The following PALM2AKAP2 variants were observed in gnomAD, a reference collection of about 807,000 sequenced individuals.
The protein encoded by PALM2AKAP2 is PALM2-AKAP2 fusion protein.
A neutral mutation model predicts 71.5 loss-of-function variants in PALM2AKAP2; 37 were observed. The ratio of observed to expected loss-of-function variants is 0.52; its 90% CI spans 0.40 to 0.68. The LOEUF (loss-of-function observed/expected upper bound fraction) is 0.68. PALM2AKAP2 is among the 30% of genes least tolerant of loss of function. PALM2AKAP2 has a pLI of 0.00. For missense variants in PALM2AKAP2, 1,224 were observed against 1,191.8 expected (o/e 1.03, Z -0.40); for synonymous variants, 468 against 478.8 (o/e 0.98, Z 0.29).
chr9:110,022,018 C>A (rs565102768), intron 7 of PALM2AKAP2, among the ~76,000 whole-genome samples: 9 of 152,316 alleles, frequency 5.9e-5, no homozygotes, highest in African/African-American at 2.2e-4. Flanking sequence ...AGTTGTCCAA[C>A]CAATCTGAGG....
intron 1 of PALM2AKAP2, among the ~76,000 whole-genome samples, chr9:109,767,992 G>C (rs1829184836): frequency 6.6e-6 from 1 of 151,600 alleles, no homozygotes; most frequent in South Asian, 2.1e-4. Flanking sequence ...AAGGAAGGAG[G>C]GAGCAAAGGC....
intron 3 of PALM2AKAP2, among the ~76,000 whole-genome samples, chr9:109,919,721 ATG>A (rs145136744): frequency 6.7e-6 from 1 of 148,808 alleles, no homozygotes; most frequent in Non-Finnish European, 1.5e-5. Flanking sequence ...ATATATATAT[ATG>A]TGTGTATACA....
At chr9:110,023,434 C>G (rs1833112549) in intron 7 of PALM2AKAP2, among the ~76,000 whole-genome samples, 1 of 150,902 alleles carries the variant, frequency 6.6e-6, no homozygotes, top group Non-Finnish European at 1.5e-5. Context: ...CCTGCTAAGC[C>G]TCCTGAGTAG....
At chr9:109,736,440 C>T (rs900145611) in intron 1 of PALM2AKAP2, among the ~76,000 whole-genome samples, 5 of 152,168 alleles carry the variant, frequency 3.3e-5, no homozygotes, top group Non-Finnish European at 7.3e-5. Flanking sequence ...GACCACCACT[C>T]AGTCACTATT....
exon 2 of PALM2AKAP2, chr9:110,137,998 T>G (rs1179325128): frequency 1.2e-6 from 2 of 1,613,788 alleles, no homozygotes; most frequent in African/African-American, 2.7e-5. Flanking sequence ...AGCAGGTGGA[T>G]AAAGCTGTGT....
At chr9:109,731,649 A>T (rs1390729107) in intron 1 of PALM2AKAP2, among the ~76,000 whole-genome samples, 1 of 152,172 alleles carries the variant, frequency 6.6e-6, no homozygotes, top group African/African-American at 2.4e-5. Flanking sequence ...TAATAGTAGT[A>T]TTTCTTGACT....
rs1165113633 is a variant in PALM2AKAP2, at chr9:109,696,336, A to G, written c.5+55470A>G. On this transcript the variant is annotated intron_variant, in intron 1 of 6. Coordinates refer to the PALM2AKAP2 transcript ENST00000374531. ...GGAAATAAAAATAGCTTTAAAACAT[A>G]TTGAAAAATATTCAGAACTTCTCAT... Among the ~76,000 whole-genome samples the G allele has an allele frequency of 3.9e-5, 6 of 152,348 alleles. No individual in the cohort carries two copies. In the Middle Eastern group the frequency reaches 0.01, roughly 259 times the overall value.
intron 2 of PALM2AKAP2, among the ~76,000 whole-genome samples, chr9:110,143,783 G>C (rs1836094291): frequency 6.6e-6 from 1 of 152,202 alleles, no homozygotes; most frequent in African/African-American, 2.4e-5. Context: ...CACCCCGTGA[G>C]ACCTACATTA....
rs1306741218 is a variant in PALM2AKAP2, at chr9:109,657,928, T to TTGTG, written c.5+17068_5+17071dup. The stretch of plus-strand genomic sequence containing the variant: ...AGTTTTGGAGATTGAGCTCACAGAT[T>TTGTG]TGTGTGTGTTTGTGTGTGTGTGTGT... On this transcript the variant is annotated intron_variant, in intron 1 of 6. Transcript: ENST00000374531. 3.8e-3 allele frequency among the ~76,000 whole-genome samples: 395 copies of TTGTG among 103,436 alleles called. 1 individual carries two copies. Among genetic ancestry groups the TTGTG allele is most frequent in the African/African-American group, 0.014 (378 of 26,156 alleles). 67.9% of individuals were successfully genotyped at this position (103,436 alleles called of 152,430 possible). A position where few individuals can be genotyped will look rare whatever the true frequency, so the allele number is the denominator to read the frequency against.
At chr9:110,026,957 C>T (rs183179000) in intron 7 of PALM2AKAP2, among the ~76,000 whole-genome samples, 5 of 152,078 alleles carry the variant, frequency 3.3e-5, no homozygotes, top group South Asian at 2.1e-4. Context: ...GCACGAGAAT[C>T]GCTTGAACCC....
chr9:109,826,894 T>C (rs185106265), intron 1 of PALM2AKAP2, among the ~76,000 whole-genome samples: 1 of 152,316 alleles, frequency 6.6e-6, no homozygotes, highest in Admixed American at 6.5e-5. Context: ...AGTGCAGCAA[T>C]TTTCAGAATA....
intron 1 of PALM2AKAP2, among the ~76,000 whole-genome samples, chr9:109,753,199 C>G (rs1028171257): frequency 3.3e-5 from 5 of 152,052 alleles, no homozygotes; most frequent in African/African-American, 1.2e-4. Flanking sequence ...TTTCTTAAAG[C>G]CAGAGAGGAG....
chr9:109,684,051 C>T (rs1185947335), intron 1 of PALM2AKAP2, among the ~76,000 whole-genome samples: 1 of 152,048 alleles, frequency 6.6e-6, no homozygotes, highest in African/African-American at 2.4e-5. Flanking sequence ...ATTATAATGT[C>T]GCCAGCCTCT....
At chr9:109,981,714 CATCATTGATGATCCAAAAA>C (rs1261639834) in intron 6 of PALM2AKAP2, among the ~76,000 whole-genome samples, 5 of 152,170 alleles carry the variant, frequency 3.3e-5, no homozygotes, top group African/African-American at 7.2e-5. Flanking sequence ...AGGTGCTCAA[CATCATTGATGATCCAAAAA>C]ATGCAAATCA....
Position 110,156,510 on chromosome 9 carries a change from T to C in PALM2AKAP2, c.2748+13T>C. The C allele has an allele frequency of 1.9e-6, 3 of 1,586,028 alleles. No individual in the cohort carries two copies. Among genetic ancestry groups the C allele is most frequent in the South Asian group, 2.3e-5 (2 of 86,628 alleles). ...GGATGATAGTAGTGTAAGTTTTTCC[T>C]CCTTTCCTCTTTCACTTCTCTGAGC... On this transcript the variant is annotated intron_variant, in intron 3 of 3. Coordinates refer to ENST00000374525, the Ensembl canonical transcript of PALM2AKAP2.
chr9:109,745,111 G>A (rs1317019114), intron 1 of PALM2AKAP2, among the ~76,000 whole-genome samples: 2 of 152,114 alleles, frequency 1.3e-5, no homozygotes, highest in African/African-American at 4.8e-5. Context: ...AGAGCCCAGC[G>A]ATTTCATAGA....
exon 4 of PALM2AKAP2, chr9:110,168,453 G>A: frequency 6.2e-7 from 1 of 1,614,200 alleles, no homozygotes; most frequent in South Asian, 1.1e-5. Context: ...TTTGCGCTGG[G>A]AAGCAGGGAT....
chr9:109,656,284 A>G (rs1005335695), intron 1 of PALM2AKAP2, among the ~76,000 whole-genome samples: 1 of 152,066 alleles, frequency 6.6e-6, no homozygotes, highest in African/African-American at 2.4e-5. Flanking sequence ...GCTGGGGGAG[A>G]AGAGGTCAGA....
chr9:110,015,201 C>T (rs1227741231), intron 6 of PALM2AKAP2, among the ~76,000 whole-genome samples: 2 of 152,128 alleles, frequency 1.3e-5, no homozygotes, highest in African/African-American at 4.8e-5. Context: ...AATCTGGAGT[C>T]ATATCTATTG....
Sources: gnomAD v4.1 joint callset for allele counts (sites outside exome capture counted in the v4.1 genomes callset) on GRCh38, gnomAD v4.1.1 for gene constraint, MANE v1.5 for transcripts, NCBI Gene and HGNC (gene_info 2026-07-23, HGNC 2026-07-21) for gene names.